The following SNX8 variants were observed in gnomAD, a reference collection of about 807,000 sequenced individuals.
SNX8 encodes sorting nexin 8.
In SNX8, 25 loss-of-function variants were observed where a neutral mutation model predicts 51.6. The ratio of observed to expected loss-of-function variants is 0.48; its 90% CI spans 0.35 to 0.68. The LOEUF is 0.68. SNX8 is among the 30% of genes least tolerant of loss of function. SNX8 has a pLI of 0.00. For synonymous variants in SNX8, 324 were observed against 277.0 expected, an observed-to-expected ratio of 1.17 and a Z score of -1.68; for missense variants, 695 against 624.0, an observed-to-expected ratio of 1.11 and a Z score of -1.21.
chr7:2,285,316 G>A (rs1796003427), intron 1 of SNX8, among the ~76,000 whole-genome samples: 1 of 152,152 alleles, frequency 6.6e-6, no homozygotes, highest in Non-Finnish European at 1.5e-5. Context: ...TTGAACCCGG[G>A]AGGCAGAGGT....
At chr7:2,264,512 C>A in intron 5 of SNX8, 54 bp from the exon 6 acceptor site, 2 of 1,546,696 alleles carry the variant, frequency 1.3e-6, no homozygotes, top group South Asian at 1.2e-5. Context: ...GAGCACCTGT[C>A]AGACGGCAGC....
chr7:2,290,931 A>T (rs1796136656), intron 1 of SNX8, among the ~76,000 whole-genome samples: 1 of 152,118 alleles, frequency 6.6e-6, no homozygotes, highest in African/African-American at 2.4e-5. Flanking sequence ...AGAACAACCA[A>T]CCTACAGTCA....
rs191842340 is a variant in SNX8, at chr7:2,269,603, C to T, written c.577G>A (p.Val193Ile). The T allele has an allele frequency of 8.1e-6, 13 of 1,601,972 alleles. No individual in the cohort carries two copies. Among genetic ancestry groups the T allele is most frequent in the East Asian group, 6.8e-5 (3 of 44,214 alleles). The change falls in exon 5 of 11, where the codon GTC becomes ATC. Residue 193 changes from valine to isoleucine, a missense_variant. By Grantham distance (29) the Val-to-Ile change is conservative (BLOSUM62 3). Transcript: ENST00000222990. ...TTACAGTTCAGGAATTCGTCCCCGACGCACTGTGCTGACTCCTTTAACTTG... is the reference window on the plus strand; with the variant it reads ...TTACAGTTCAGGAATTCGTCCCCGATGCACTGTGCTGACTCCTTTAACTTG... The part of the protein sequence containing the change: ...QNKLKESAQC[V>I]GDEFLNCKLA...
chr7:2,350,060 G>A (rs548790941), intron 1 of SNX8, among the ~76,000 whole-genome samples: 1 of 152,148 alleles, frequency 6.6e-6, no homozygotes, highest in South Asian at 2.1e-4. Context: ...CAGGCTCAGG[G>A]ACTGGACACT....
chr7:2,299,891 T>C (rs2115182476), intron 1 of SNX8, among the ~76,000 whole-genome samples: 1 of 152,260 alleles, frequency 6.6e-6, no homozygotes, highest in African/African-American at 2.4e-5. Context: ...TCAGCCAGCA[T>C]AATGGGCCAA....
At chr7:2,310,750 A>G (rs1562452571) in intron 1 of SNX8, among the ~76,000 whole-genome samples, 1 of 138,180 alleles carries the variant, frequency 7.2e-6, no homozygotes, top group Non-Finnish European at 1.6e-5. Flanking sequence ...CAGCCTGGGC[A>G]AAAGAGTGAA....
rs1317515839 is a variant in SNX8 at position 2,264,345 on chromosome 7, C to T, written c.735G>A (p.Arg245=). ...GAAGATCTGCCGCATTGTCGATGGC[C>T]CGCGATGCGATCCGCTCGGCCCTGT... ...LRDRAERIAS[R]AIDNAADLLI... The change falls in exon 6 of 11, where the codon CGG becomes CGA. Residue 245 remains arginine, a synonymous_variant. Coordinates refer to ENST00000222990, the MANE Select transcript of SNX8 (RefSeq NM_013321.4). The T allele has an allele frequency of 3.1e-6, 5 of 1,613,104 alleles. No homozygotes were observed. Among genetic ancestry groups the T allele is most frequent in the African/African-American group, 2.7e-5 (2 of 75,054 alleles).
intron 1 of SNX8, among the ~76,000 whole-genome samples, chr7:2,301,706 A>C (rs1389974940): frequency 1.3e-5 from 2 of 152,182 alleles, no homozygotes; most frequent in Non-Finnish European, 2.9e-5. Context: ...GACATGGCCC[A>C]CTGGCAGGCG....
At chr7:2,349,247 G>T (rs560605592) in intron 1 of SNX8, among the ~76,000 whole-genome samples, 38 of 151,334 alleles carry the variant, frequency 2.5e-4, no homozygotes, top group Admixed American at 9.9e-4. Flanking sequence ...TAATATTATA[G>T]TAAAGTGTAC....
At chr7:2,342,198 T>TAATA (rs532363238) in intron 1 of SNX8, among the ~76,000 whole-genome samples, 1,559 of 150,676 alleles carry the variant, frequency 0.01, 48 homozygotes, top group Admixed American at 0.057. Context: ...TAATAATAAA[T>TAATA]AATAAATAAA....
At chr7:2,327,653 C>G (rs1232302299) in intron 1 of SNX8, among the ~76,000 whole-genome samples, 1 of 151,208 alleles carries the variant, frequency 6.6e-6, no homozygotes, top group African/African-American at 2.4e-5. Flanking sequence ...ATGATCCGCC[C>G]GCCTCGGCCT....
At chr7:2,272,023 C>G in intron 3 of SNX8, 52 bp from the exon 4 acceptor site, 1 of 1,606,878 alleles carries the variant, frequency 6.2e-7, no homozygotes, top group Non-Finnish European at 8.5e-7. Context: ...CGGCCCCCAT[C>G]TTCTGCTCTG....
intron 1 of SNX8, among the ~76,000 whole-genome samples, chr7:2,343,674 C>CAATA (rs1404462645): frequency 6.6e-6 from 1 of 151,706 alleles, no homozygotes; most frequent in Non-Finnish European, 1.5e-5. Context: ...GATCCAATCT[C>CAATA]AATAAATAAA....
At chr7:2,275,997 C>CAAA (rs772419452) in intron 2 of SNX8, among the ~76,000 whole-genome samples, 1 of 105,052 alleles carries the variant, frequency 9.5e-6, no homozygotes, top group Admixed American at 1.0e-4. Flanking sequence ...GACTCCATTT[C>CAAA]AAAAAAAAAA....
At chr7:2,272,699 A>T (rs548821522) in intron 3 of SNX8, among the ~76,000 whole-genome samples, 2 of 151,900 alleles carry the variant, frequency 1.3e-5, no homozygotes, top group African/African-American at 4.8e-5. Flanking sequence ...CACTGTGCTT[A>T]TAACTTACTC....
At chr7:2,303,438 C>G (rs1201770225) in intron 1 of SNX8, among the ~76,000 whole-genome samples, 1 of 152,248 alleles carries the variant, frequency 6.6e-6, no homozygotes, top group Non-Finnish European at 1.5e-5. Context: ...CCGGCCACCA[C>G]CCCGTCTGGG....
chr7:2,314,883 T>C (rs111921392), upstream of SNX8, among the ~76,000 whole-genome samples: 793 of 151,566 alleles, frequency 5.2e-3, 3 homozygotes, highest in African/African-American at 0.014. Context: ...CATTCATTCA[T>C]TCACCCACTC....
chr7:2,321,358 T>C (rs910490275), intron 1 of SNX8, among the ~76,000 whole-genome samples: 3 of 152,182 alleles, frequency 2.0e-5, no homozygotes, highest in African/African-American at 4.8e-5. Flanking sequence ...CACGTCTGCC[T>C]TCAGCAGATC....
chr7:2,325,044 G>C (rs1778599021), intron 1 of SNX8, among the ~76,000 whole-genome samples: 1 of 152,152 alleles, frequency 6.6e-6, no homozygotes, highest in Non-Finnish European at 1.5e-5. Flanking sequence ...GTATTGCCCA[G>C]GCCAGTCTCA....
Sources: gnomAD v4.1 joint callset for allele counts (sites outside exome capture counted in the v4.1 genomes callset) on GRCh38, gnomAD v4.1.1 for gene constraint, MANE v1.5 for transcripts, NCBI Gene and HGNC (gene_info 2026-07-23, HGNC 2026-07-21) for gene names.